The following CBFA2T3 variants were observed in gnomAD, a reference collection of about 807,000 sequenced individuals.
CBFA2T3 encodes transcriptional corepressor CBFA2T3.
In CBFA2T3, 31 loss-of-function variants were observed where a neutral mutation model predicts 58.6. That is an observed-to-expected ratio of 0.53 (90% CI 0.40 to 0.71). CBFA2T3 has a LOEUF of 0.71. Among genes scored for constraint, CBFA2T3 ranks in the 30% least tolerant of loss-of-function variants. CBFA2T3 has a pLI of 0.00. For missense variants in CBFA2T3, 1,076 were observed against 963.1 expected (o/e 1.12, Z -1.55); for synonymous variants, 531 against 421.9 (o/e 1.26, Z -3.17).
intron 1 of CBFA2T3, among the ~76,000 whole-genome samples, chr16:88,912,800 T>G (rs967664840): frequency 2.0e-5 from 3 of 152,242 alleles, no homozygotes; most frequent in Non-Finnish European, 4.4e-5. Flanking sequence ...GGACAGAGCC[T>G]GGGCTGGGCT....
At position 88,962,965 on chromosome 16, in the gene CBFA2T3, C is replaced by T. The variant is rs115139111; in HGVS notation, c.151+13692G>A. On this transcript the variant is annotated intron_variant, in intron 1 of 11. Coordinates refer to ENST00000268679, the MANE Select transcript of CBFA2T3 (RefSeq NM_005187.6). ...AGGGCCTCCAGGAGGGCACAGGGCA[C>T]GCCACCCCACTCTGTGGTTTGCAGA... Among the ~76,000 whole-genome samples, 783 of 152,280 alleles carry T rather than the reference C, an allele frequency of 5.1e-3. 11 individuals carry two copies. The highest frequency in any genetic ancestry group is 0.016 in the African/African-American group (651 of 41,554).
At chr16:88,946,899 A>G (rs1971918225) in intron 1 of CBFA2T3, among the ~76,000 whole-genome samples, 2 of 152,144 alleles carry the variant, frequency 1.3e-5, no homozygotes, top group African/African-American at 4.8e-5. Flanking sequence ...CGATCCTCCC[A>G]TCTCAGCCCC....
At chr16:88,893,605 G>A (rs559201018) in intron 3 of CBFA2T3, among the ~76,000 whole-genome samples, 1 of 152,224 alleles carries the variant, frequency 6.6e-6, no homozygotes, top group African/African-American at 2.4e-5. Flanking sequence ...ACACAGGCCA[G>A]TGCATGTTGA....
At chr16:88,906,130 A>G (rs1970323955) in intron 1 of CBFA2T3, among the ~76,000 whole-genome samples, 1 of 151,844 alleles carries the variant, frequency 6.6e-6, no homozygotes, top group Admixed American at 6.6e-5. Context: ...CTATCCCTGC[A>G]CCCCCAAGCA....
intron 3 of CBFA2T3, among the ~76,000 whole-genome samples, chr16:88,895,279 G>A (rs1969839890): frequency 6.6e-6 from 1 of 152,144 alleles, no homozygotes; most frequent in Admixed American, 6.5e-5. Context: ...TAACCTTTAG[G>A]TGGCCGCCAT....
chr16:88,922,095 C>T (rs778226505), intron 1 of CBFA2T3, among the ~76,000 whole-genome samples: 9 of 152,252 alleles, frequency 5.9e-5, no homozygotes, highest in Non-Finnish European at 1.3e-4. Context: ...GTGGCCAGGA[C>T]ATCCCGGGAG....
In CBFA2T3 at chr16:88,954,386, GACTCCTGACCCTAC is replaced by G. The variant is rs1567632821; in HGVS notation, c.151+22257_151+22270del. On this transcript the variant is annotated intron_variant, in intron 1 of 11. Transcript: ENST00000268679. ...ACCCAAGGCTCCTGACCCCACCCAA[GACTCCTGACCCTAC>G]CCAAGACTCCTGACCCCACCCAAGG... 1.0e-3 allele frequency among the ~76,000 whole-genome samples: 137 copies of G among 137,162 alleles called. 1 individual carries two copies. The highest frequency in any genetic ancestry group is 3.4e-3 in the African/African-American group (112 of 32,582). The allele number at this position is 137,162 out of a possible 152,430, so 90.0% of individuals were successfully genotyped here. A position where few individuals can be genotyped will look rare whatever the true frequency, so the allele number is the denominator to read the frequency against.
intron 2 of CBFA2T3, among the ~76,000 whole-genome samples, chr16:88,900,742 G>T (rs116833147): frequency 0.02 from 3,049 of 152,334 alleles, 53 homozygotes; most frequent in African/African-American, 0.046. Context: ...CACCCCGCCG[G>T]CCCAGCAACT....
chr16:88,901,079 A>C (rs963145490), intron 2 of CBFA2T3, among the ~76,000 whole-genome samples: 1 of 152,168 alleles, frequency 6.6e-6, no homozygotes, highest in African/African-American at 2.4e-5. Context: ...CTGCTGTATG[A>C]CCCTGCGGAA....
At chr16:88,891,452 G>A (rs1969626746) in intron 5 of CBFA2T3, among the ~76,000 whole-genome samples, 1 of 152,186 alleles carries the variant, frequency 6.6e-6, no homozygotes, top group African/African-American at 2.4e-5. Context: ...CCACCCCAGG[G>A]TGCTGGCTCC....
chr16:88,952,032 G>A (rs1972086894), intron 1 of CBFA2T3, among the ~76,000 whole-genome samples: 1 of 152,180 alleles, frequency 6.6e-6, no homozygotes, highest in Non-Finnish European at 1.5e-5. Context: ...TGCAGAGGTG[G>A]GTTTGGGTCT....
intron 1 of CBFA2T3, among the ~76,000 whole-genome samples, chr16:88,918,422 T>A (rs534450428): frequency 1.5e-4 from 23 of 152,344 alleles, no homozygotes; most frequent in Non-Finnish European, 2.9e-4. Flanking sequence ...TGGGACCAGC[T>A]GCATCACAAC....
At chr16:88,931,801 A>G (rs1646234) in intron 1 of CBFA2T3, among the ~76,000 whole-genome samples, 59,199 of 151,836 alleles carry the variant, frequency 0.39, 11,898 homozygotes, top group Middle Eastern at 0.58. Context: ...TGTGGTCCCC[A>G]GTGAGCCCTG....
At chr16:88,956,520 T>G (rs192879381) in intron 1 of CBFA2T3, among the ~76,000 whole-genome samples, 33 of 152,320 alleles carry the variant, frequency 2.2e-4, no homozygotes, top group African/African-American at 7.5e-4. Flanking sequence ...ATGGCCCCAT[T>G]CATTTAGTTC....
At chr16:88,889,783 C>T (rs1335919255) in intron 5 of CBFA2T3, among the ~76,000 whole-genome samples, 6 of 133,736 alleles carry the variant, frequency 4.5e-5, no homozygotes, top group East Asian at 2.4e-4. Flanking sequence ...CCAGGGACGA[C>T]GCCACGCGAT....
chr16:88,942,080 C>T (rs1330012013), intron 1 of CBFA2T3, among the ~76,000 whole-genome samples: 1 of 152,142 alleles, frequency 6.6e-6, no homozygotes, highest in African/African-American at 2.4e-5. Context: ...CATTTGCATA[C>T]ACTTTGCATT....
chr16:88,935,243 G>C (rs572971692), intron 1 of CBFA2T3, among the ~76,000 whole-genome samples: 50 of 152,328 alleles, frequency 3.3e-4, no homozygotes, highest in African/African-American at 1.2e-3. Flanking sequence ...CTGCATGGAA[G>C]GGCCCCATGT....
intron 3 of CBFA2T3, among the ~76,000 whole-genome samples, chr16:88,896,976 G>A (rs1401355783): frequency 1.3e-5 from 2 of 152,252 alleles, no homozygotes; most frequent in African/African-American, 4.8e-5. Flanking sequence ...CACGACAGGT[G>A]TGTTCCTAAG....
intron 1 of CBFA2T3, among the ~76,000 whole-genome samples, chr16:88,908,582 G>A (rs1328046695): frequency 6.6e-6 from 1 of 152,174 alleles, no homozygotes; most frequent in African/African-American, 2.4e-5. Flanking sequence ...AGCCCGCCCT[G>A]CCCAGCTGGG....
Sources: gnomAD v4.1 joint callset for allele counts (sites outside exome capture counted in the v4.1 genomes callset) on GRCh38, gnomAD v4.1.1 for gene constraint, MANE v1.5 for transcripts, NCBI Gene and HGNC (gene_info 2026-07-23, HGNC 2026-07-21) for gene names.